TET3: variants seen among roughly 807,000 people sequenced by gnomAD.
TET3 encodes the protein methylcytosine dioxygenase TET3.
A neutral mutation model predicts 141.4 loss-of-function variants in TET3; 19 were observed. That is an observed-to-expected ratio of 0.13 (90% CI 0.09 to 0.20). The LOEUF (loss-of-function observed/expected upper bound fraction) is 0.20, where lower values mean the gene tolerates loss of function less well. Among genes scored for constraint, TET3 ranks in the 10% least tolerant of loss-of-function variants. The probability of loss-of-function intolerance (pLI) is 1.00; values close to 1 mark genes in which losing one functional copy is unlikely to be tolerated. For synonymous variants in TET3, 1,043 were observed against 980.9 expected (o/e 1.06, Z -1.18); for missense variants, 1,874 against 2,356.9 (o/e 0.80, Z 4.24).
chr2:73,986,276 C>T lies in TET3; in HGVS notation c.-128C>T. 1 of 818,024 alleles carries T rather than the reference C, an allele frequency of 1.2e-6. No homozygotes were observed. Among genetic ancestry groups the T allele is most frequent in the African/African-American group, 1.8e-5 (1 of 56,522 alleles). 50.7% of individuals were successfully genotyped at this position (818,024 alleles called of 1,614,324 possible). On this transcript the variant is annotated 5_prime_UTR_variant, in exon 2 of 12. Transcript: ENST00000409262. ...GAGGCATCCATCCACGAGACTGAAG[C>T]CACTTGCCTTCACCCTTGTAGACTC...
At chr2:74,069,146 T>A (rs1309912344) in intron 4 of TET3, among the ~76,000 whole-genome samples, 1 of 66,282 alleles carries the variant, frequency 1.5e-5, no homozygotes, top group East Asian at 2.5e-4. Context: ...TATAGTTTAA[T>A]TTTTTTTTTT....
chr2:74,124,604 G>A, the TET3 span, among the ~76,000 whole-genome samples: 1 of 152,244 alleles, frequency 6.6e-6, no homozygotes, highest in African/African-American at 2.4e-5. Context: ...GCCTTGGGAT[G>A]CTGTTAATCT....
rs149974193 is a variant in TET3, at chr2:74,024,775, T to C, written c.361-21503T>C. Reference sequence around the variant, plus strand: ...CAGTAAACATCACTCTTTTAAAAAATATTTTTTATTTCGGCATAATTTCAG... The same window carrying C: ...CAGTAAACATCACTCTTTTAAAAAACATTTTTTATTTCGGCATAATTTCAG... On this transcript the variant is annotated intron_variant, in intron 3 of 11. Coordinates refer to ENST00000409262, the MANE Select transcript of TET3 (RefSeq NM_001287491.2). Among the ~76,000 whole-genome samples the C allele has an allele frequency of 7.4e-4, 112 of 152,306 alleles. 1 individual carries two copies. In the East Asian group the frequency reaches 0.017, roughly 23 times the overall value.
chr2:74,007,992 T>C (rs563165765), intron 3 of TET3, among the ~76,000 whole-genome samples: 79 of 152,154 alleles, frequency 5.2e-4, no homozygotes, highest in Non-Finnish European at 8.8e-4. Flanking sequence ...AGCTTTAAAT[T>C]GCTATAAAGG....
chr2:74,026,204 T>TG (rs1343375389), intron 3 of TET3, among the ~76,000 whole-genome samples: 2 of 147,094 alleles, frequency 1.4e-5, no homozygotes, highest in Non-Finnish European at 3.0e-5. Flanking sequence ...AGGCCATCGC[T>TG]GGGGGGAGAG....
chr2:74,039,064 C>T (rs963740433), intron 3 of TET3, among the ~76,000 whole-genome samples: 42 of 152,178 alleles, frequency 2.8e-4, no homozygotes, highest in South Asian at 2.1e-4. Flanking sequence ...TCACCAGCCT[C>T]GAACCCTGCA....
rs183187855 is a variant in TET3, at chr2:74,068,295, T to A, written c.2495-5254T>A. The stretch of plus-strand genomic sequence containing the variant: ...ATGACATATGTATATACCTTTATGC[T>A]TGTACGTGTGTGTATGTACAAATGT... On this transcript the variant is annotated intron_variant, in intron 4 of 11. Transcript: ENST00000409262. Among the ~76,000 whole-genome samples, 19 of 152,262 alleles carry A rather than the reference T, an allele frequency of 1.2e-4. No homozygotes were observed. The East Asian group carries it at 3.7e-3, about 29-fold the overall frequency.
intron 4 of TET3, among the ~76,000 whole-genome samples, chr2:74,073,212 A>C (rs1390228125): frequency 6.6e-6 from 1 of 152,180 alleles, no homozygotes; most frequent in Non-Finnish European, 1.5e-5. Context: ...GTATCTAGAA[A>C]TGGAATTACT....
At chr2:74,015,988 C>T (rs1200596138) in intron 3 of TET3, among the ~76,000 whole-genome samples, 1 of 151,918 alleles carries the variant, frequency 6.6e-6, no homozygotes, top group Non-Finnish European at 1.5e-5. Flanking sequence ...ATCCATATTA[C>T]TCTTAGATTG....
chr2:74,109,244 T>G (rs1364944374), downstream of TET3, among the ~76,000 whole-genome samples: 5 of 152,196 alleles, frequency 3.3e-5, no homozygotes, highest in African/African-American at 1.2e-4. Flanking sequence ...CCATCTCTTC[T>G]TATACAAGTT....
intron 2 of TET3, among the ~76,000 whole-genome samples, chr2:74,001,350 T>C (rs1420923353): frequency 2.0e-5 from 3 of 152,208 alleles, no homozygotes; most frequent in Non-Finnish European, 2.9e-5. Flanking sequence ...TAATTAATCC[T>C]GTGAGTCACT....
downstream of TET3, among the ~76,000 whole-genome samples, chr2:74,109,142 G>A (rs1029666493): frequency 1.3e-5 from 2 of 152,208 alleles, no homozygotes; most frequent in Non-Finnish European, 2.9e-5. Flanking sequence ...CGCCTGTCAT[G>A]ATGGATCCAT....
At chr2:74,086,453 C>T (rs540173696) in intron 6 of TET3, among the ~76,000 whole-genome samples, 1 of 151,608 alleles carries the variant, frequency 6.6e-6, no homozygotes, top group East Asian at 1.9e-4. Flanking sequence ...GCATATAATT[C>T]AATGGTTTTT....
chr2:74,098,102 T>C (rs1690953797), intron 10 of TET3, among the ~76,000 whole-genome samples: 1 of 152,184 alleles, frequency 6.6e-6, no homozygotes, highest in Admixed American at 6.5e-5. Flanking sequence ...TATAGGAAAG[T>C]TGAAACACAT....
the TET3 span, chr2:74,121,063 T>A: frequency 1.3e-5 from 2 of 151,348 alleles, no homozygotes; most frequent in African/African-American, 4.9e-5. Flanking sequence ...AAAAGACAAT[T>A]GAGATTATAA....
chr2:74,016,106 G>A (rs554124930), intron 3 of TET3, among the ~76,000 whole-genome samples: 3 of 152,000 alleles, frequency 2.0e-5, no homozygotes, highest in South Asian at 4.2e-4. Flanking sequence ...GGTGGCTCAT[G>A]CTTATAGTCC....
In TET3 at chr2:73,986,832, TTAAG is replaced by T. The variant is rs772758369; in HGVS notation, c.303+129_303+132del. ...CATTTCTGATCCTCTTGGTCCAACT[TTAAG>T]TAGGAGTGTAACTGACATGTTTGGA... On this transcript the variant is annotated intron_variant, in intron 2 of 11. Transcript: ENST00000409262. 3.1e-5 allele frequency: 28 copies of T among 911,354 alleles called. No individual in the cohort carries two copies. In the East Asian group the frequency reaches 7.6e-4, roughly 25 times the overall value. 56.5% of individuals were successfully genotyped at this position (911,354 alleles called of 1,614,324 possible). A position where few individuals can be genotyped will look rare whatever the true frequency, so the allele number is the denominator to read the frequency against.
chr2:74,042,440 G>C (rs1484384169), intron 3 of TET3, among the ~76,000 whole-genome samples: 3 of 152,184 alleles, frequency 2.0e-5, no homozygotes, highest in African/African-American at 7.2e-5. Flanking sequence ...GTTGCCCATA[G>C]AAGTGTGGAT....
the TET3 span, among the ~76,000 whole-genome samples, chr2:74,129,348 C>A: frequency 5.0e-5 from 5 of 100,912 alleles, no homozygotes; most frequent in Non-Finnish European, 9.5e-5. Context: ...AAAAAAAAAA[C>A]CCGGCCGGGC....
Sources: allele counts gnomAD v4.1 joint callset (sites outside exome capture counted in the v4.1 genomes callset), GRCh38; gene constraint gnomAD v4.1.1; transcripts MANE v1.5; gene names NCBI Gene and HGNC (gene_info 2026-07-23, HGNC 2026-07-21).